The following LRBA variants were observed in gnomAD, a reference collection of about 807,000 sequenced individuals.
LRBA encodes lipopolysaccharide-responsive and beige-like anchor protein.
A neutral mutation model predicts 330.0 loss-of-function variants in LRBA; 176 were observed. That is an observed-to-expected ratio of 0.53 (90% CI 0.47 to 0.60). The LOEUF (loss-of-function observed/expected upper bound fraction) is 0.60, where lower values mean the gene tolerates loss of function less well. Among genes scored for constraint, LRBA ranks in the 20% least tolerant of loss-of-function variants. The pLI is 0.00. For synonymous variants in LRBA, 1,230 were observed against 1,193.0 expected, an observed-to-expected ratio of 1.03 and a Z score of -0.64; for missense variants, 3,259 against 3,444.8, an observed-to-expected ratio of 0.95 and a Z score of 1.35.
rs75058061 is a variant in LRBA at position 150,695,034 on chromosome 4, A to G, written c.5755-11317T>C. 9.0e-4 allele frequency among the ~76,000 whole-genome samples: 137 copies of G among 152,204 alleles called. 3 individuals are homozygous for G. The East Asian group carries it at 0.026, about 29-fold the overall frequency. On this transcript the variant is annotated intron_variant, in intron 36 of 56. Coordinates refer to ENST00000651943, the MANE Select transcript of LRBA (RefSeq NM_001364905.1). ...ATTCCACACATAATATTTTGTTTTC[A>G]TTATTTCTTTAGAGTACTTATTAAC...
chr4:150,576,184 G>A (rs1279183563), intron 40 of LRBA, among the ~76,000 whole-genome samples: 4 of 149,164 alleles, frequency 2.7e-5, no homozygotes, highest in Non-Finnish European at 4.5e-5. Context: ...AAAAGGAGGA[G>A]GGGAGAGGAA....
chr4:150,535,561 G>A (rs10021461), intron 40 of LRBA, among the ~76,000 whole-genome samples: 35,843 of 152,054 alleles, frequency 0.24, 4,473 homozygotes, highest in African/African-American at 0.33. Flanking sequence ...ATTCACGCAA[G>A]AACAGTAATT....
At chr4:150,960,611 G>T (rs1458518249) in intron 2 of LRBA, among the ~76,000 whole-genome samples, 1 of 149,184 alleles carries the variant, frequency 6.7e-6, no homozygotes, top group Admixed American at 6.6e-5. Context: ...TTCCATTTGA[G>T]GGAGAGAGGC....
intron 47 of LRBA, among the ~76,000 whole-genome samples, chr4:150,397,899 G>A (rs1744962052): frequency 6.6e-6 from 1 of 152,170 alleles, no homozygotes; most frequent in Non-Finnish European, 1.5e-5. Context: ...ATTATTAAGT[G>A]TTCAACGCAC....
At chr4:150,548,298 G>A (rs952819705) in intron 40 of LRBA, among the ~76,000 whole-genome samples, 1 of 151,944 alleles carries the variant, frequency 6.6e-6, no homozygotes, top group Non-Finnish European at 1.5e-5. Flanking sequence ...CTTCTGTCCC[G>A]CCACAGTGCA....
chr4:150,491,116 A>G (rs979546013), intron 40 of LRBA, 81 bp from the exon 41 acceptor site: 1 of 584,182 alleles, frequency 1.7e-6, no homozygotes, highest in African/African-American at 1.9e-5. Context: ...AAAATAGAAA[A>G]GACCCTATTA....
chr4:150,861,174 TGTTAC>T (rs1324269068), intron 22 of LRBA, among the ~76,000 whole-genome samples: 3 of 152,268 alleles, frequency 2.0e-5, no homozygotes, highest in Admixed American at 6.5e-5. Context: ...CATAGTTCAC[TGTTAC>T]GTTACTTCAA....
intron 34 of LRBA, among the ~76,000 whole-genome samples, chr4:150,769,234 C>CA (rs2126519192): frequency 6.6e-6 from 1 of 152,148 alleles, no homozygotes; most frequent in African/African-American, 2.4e-5. Context: ...AGTGAGCCAC[C>CA]ATGCCCGGCC....
intron 47 of LRBA, among the ~76,000 whole-genome samples, chr4:150,384,655 T>C (rs189914630): frequency 6.6e-6 from 1 of 152,236 alleles, no homozygotes; most frequent in East Asian, 1.9e-4. Flanking sequence ...ACAGACCTAA[T>C]TGTGGAGGTA....
chr4:150,606,879 G>C (rs1774694890), intron 37 of LRBA, among the ~76,000 whole-genome samples: 1 of 152,188 alleles, frequency 6.6e-6, no homozygotes, highest in South Asian at 2.1e-4. Context: ...AAGGGTTTAT[G>C]CGTAATTCAC....
At chr4:150,993,320 A>T (rs1423471725) in intron 2 of LRBA, among the ~76,000 whole-genome samples, 1 of 152,194 alleles carries the variant, frequency 6.6e-6, no homozygotes, top group East Asian at 1.9e-4. Flanking sequence ...CTTAAAGAAT[A>T]AAAAATAAAT....
intron 50 of LRBA, among the ~76,000 whole-genome samples, chr4:150,320,822 A>C (rs933070139): frequency 7.2e-5 from 11 of 152,164 alleles, no homozygotes; most frequent in African/African-American, 2.7e-4. Flanking sequence ...ACAAACAAAA[A>C]TTTGTAAAAA....
chr4:150,707,948 T>C (rs758549258), intron 36 of LRBA, among the ~76,000 whole-genome samples: 1 of 151,722 alleles, frequency 6.6e-6, no homozygotes, highest in Non-Finnish European at 1.5e-5. Context: ...AACCAGACAT[T>C]AGTCAATAAA....
At chr4:150,370,671 A>C (rs1472395326) in intron 47 of LRBA, among the ~76,000 whole-genome samples, 4 of 152,242 alleles carry the variant, frequency 2.6e-5, no homozygotes, top group Non-Finnish European at 4.4e-5. Context: ...ACTTTAGTTA[A>C]TAATAATGTA....
chr4:150,747,332 T>C (rs546597242), intron 35 of LRBA, among the ~76,000 whole-genome samples: 2 of 152,350 alleles, frequency 1.3e-5, no homozygotes, highest in Admixed American at 1.3e-4. Context: ...CTTTAGTACT[T>C]ATTACTTTGA....
At chr4:150,717,675 G>GTAATAATAATAATAATAA (rs10522737) in intron 36 of LRBA, among the ~76,000 whole-genome samples, 30,086 of 139,496 alleles carry the variant, frequency 0.22, 3,658 homozygotes, top group Middle Eastern at 0.3. Context: ...AACAATAATA[G>GTAATAATAATAATAATAA]TAATAATAAT....
At chr4:150,882,219 A>T (rs147020044) in intron 17 of LRBA, among the ~76,000 whole-genome samples, 2 of 152,232 alleles carry the variant, frequency 1.3e-5, no homozygotes, top group Non-Finnish European at 2.9e-5. Context: ...TATGAACCTA[A>T]TAGTTATCCT....
chr4:150,764,693 TG>T (rs1289688879), intron 34 of LRBA, among the ~76,000 whole-genome samples: 1 of 151,920 alleles, frequency 6.6e-6, no homozygotes, highest in African/African-American at 2.4e-5. Flanking sequence ...CACATGTCAC[TG>T]GGGAAAGGCA....
Position 150,678,105 on chromosome 4 carries a change from G to A in LRBA, c.5921+5446C>T, listed in dbSNP as rs949496344. On this transcript the variant is annotated intron_variant, in intron 37 of 56. Transcript: ENST00000651943. ...AAATACAAAAAAATCAGCTTAGCAT[G>A]GGGCACACACCTGTAATCCCAGCTA... 4.6e-5 allele frequency among the ~76,000 whole-genome samples: 7 copies of A among 151,938 alleles called. No individual in the cohort carries two copies. In the East Asian group the frequency reaches 1.2e-3, roughly 25 times the overall value.
Sources: allele counts gnomAD v4.1 joint callset (sites outside exome capture counted in the v4.1 genomes callset), GRCh38; gene constraint gnomAD v4.1.1; transcripts MANE v1.5; gene names NCBI Gene and HGNC (gene_info 2026-07-23, HGNC 2026-07-21).